PUM3: variants seen among roughly 807,000 people sequenced by gnomAD.
PUM3 encodes pumilio homolog 3.
In PUM3, 91 loss-of-function variants were observed where a neutral mutation model predicts 84.0. The ratio of observed to expected loss-of-function variants is 1.08; its 90% confidence interval spans 0.91 to 1.29. PUM3 has a LOEUF of 1.29. Ranked by LOEUF, PUM3 falls within the 50% of genes most tolerant of loss-of-function variation. The pLI, the probability that PUM3 is intolerant of heterozygous loss-of-function variation, is 0.00. For synonymous variants in PUM3, 321 were observed against 266.7 expected, an observed-to-expected ratio of 1.20 and a Z score of -1.98; for missense variants, 1,067 against 767.5, an observed-to-expected ratio of 1.39 and a Z score of -4.61.
chr9:2,834,688 G>C (rs1816073282), intron 3 of PUM3, among the ~76,000 whole-genome samples: 2 of 152,118 alleles, frequency 1.3e-5, no homozygotes, highest in Non-Finnish European at 2.9e-5. Flanking sequence ...CAAAGCAGTT[G>C]AGCTCTCTAT....
rs747943166 is a variant in PUM3, at chr9:2,830,926, A to G, written c.677+36T>C. 3 of 1,082,210 alleles carry G rather than the reference A, an allele frequency of 2.8e-6. No homozygotes were observed. The South Asian group carries it at 4.0e-5, about 15-fold the overall frequency. The allele number at this position is 1,082,210 out of a possible 1,614,324, so 67.0% of individuals were successfully genotyped here. ...GTTGGAAACCATGTCTTCAAAAGAC[A>G]AAGAAAAAATGTATTTTATACATAA... On this transcript the variant is annotated intron_variant, in intron 7 of 17. Coordinates refer to ENST00000397885, the MANE Select transcript of PUM3 (RefSeq NM_014878.5).
chr9:2,808,016 A>C, intron 16 of PUM3, 112 bp from the exon 17 acceptor site: 1 of 674,512 alleles, frequency 1.5e-6, no homozygotes, highest in Non-Finnish European at 2.5e-6. Flanking sequence ...AAGCTAACAA[A>C]AGTAGCTTTC....
At chr9:2,815,754 A>G (rs983335320) in intron 13 of PUM3, among the ~76,000 whole-genome samples, 2 of 152,222 alleles carry the variant, frequency 1.3e-5, no homozygotes, top group Non-Finnish European at 2.9e-5. Flanking sequence ...TACCCTCAAG[A>G]GAAAGAATAC....
intron 15 of PUM3, 130 bp from the exon 16 acceptor site, chr9:2,810,561 T>C: frequency 1.6e-6 from 1 of 614,674 alleles, no homozygotes; most frequent in Non-Finnish European, 2.8e-6. Context: ...TCCACAGGCT[T>C]AAGAGGTCTT....
At position 2,824,721 on chromosome 9, in the gene PUM3, G is replaced by C. The variant is rs1815761452; in HGVS notation, c.1130C>G (p.Pro377Arg). 1 of 1,542,556 alleles carries C rather than the reference G, an allele frequency of 6.5e-7. No individual in the cohort carries two copies. Among genetic ancestry groups the C allele is most frequent in the African/African-American group, 1.4e-5 (1 of 73,460 alleles). ...CCCAAGTGCTGTCACACTTACCTTG[G>C]GCGTGCCATGCCACAGGCAGTGCAT... ...VAMHCLWHGTPKDRKVIVKTM... is the reference protein window; with the variant it reads ...VAMHCLWHGTRKDRKVIVKTM... The change falls in exon 11 of 18, where the codon CCC becomes CGC. Residue 377 changes from proline (P) to arginine (R), a missense_variant. Transcript: ENST00000397885.
Position 2,811,532 on chromosome 9 carries a change from T to G in PUM3, c.1464A>C (p.Pro488=). Residue 488 remains proline, a synonymous_variant, in exon 15 of 18, where the codon CCA becomes CCC. Coordinates refer to ENST00000397885, the MANE Select transcript of PUM3 (RefSeq NM_014878.5). ...GTTCTTGCAGGTAGCTTAACAAAGC[T>G]GGAGAAATGGATTCTAGGAGCTCCC... The part of the protein sequence containing the change: ...RRRELLESIS[P]ALLSYLQEHA... The G allele has an allele frequency of 6.2e-7, 1 of 1,614,192 alleles. No homozygotes were observed. Among genetic ancestry groups the G allele is most frequent in the East Asian group, 2.2e-5 (1 of 44,870 alleles).
chr9:2,831,249 A>T lies in PUM3; in HGVS notation c.610+2T>A. 1.3e-6 allele frequency: 2 copies of T among 1,554,456 alleles called. No homozygotes were observed. The highest frequency in any genetic ancestry group is 1.8e-6 in the Non-Finnish European group (2 of 1,129,528). Reference sequence around the variant, plus strand: ...ACATAATCTTTAGTATGTAATAAATACCTCGCAATTCTTCAAAAGCCTGTT... The same window carrying T: ...ACATAATCTTTAGTATGTAATAAATTCCTCGCAATTCTTCAAAAGCCTGTT... On this transcript the variant is annotated splice_donor_variant, in intron 6 of 17. Transcript: ENST00000397885. LOFTEE classifies it high-confidence loss of function.
chr9:2,812,094 G>C lies in PUM3; in HGVS notation c.1412+126C>G, dbSNP rs546235139. 3.2e-5 allele frequency: 26 copies of C among 802,390 alleles called. No homozygotes were observed. The African/African-American group carries it at 4.4e-4, about 14-fold the overall frequency. The allele number at this position is 802,390 out of a possible 1,614,324, so 49.7% of individuals were successfully genotyped here. ...TAGAATCTGTCAAAAATATAGGCTT[G>C]AAAATGGAATTCACCTTTTCAGCAG... On this transcript the variant is annotated intron_variant, in intron 14 of 17. Transcript: ENST00000397885.
At chr9:2,842,882 C>A (rs1816305540) in intron 1 of PUM3, among the ~76,000 whole-genome samples, 2 of 152,218 alleles carry the variant, frequency 1.3e-5, no homozygotes, top group Admixed American at 1.3e-4. Context: ...CGTCCTCCAT[C>A]TCAGCCAATG....
At position 2,811,534 on chromosome 9, in the gene PUM3, G is replaced by C. The variant is rs747629466; in HGVS notation, c.1462C>G (p.Pro488Ala). The change falls in exon 15 of 18, where the codon CCA becomes GCA. Residue 488 changes from proline to alanine, a missense_variant. By Grantham distance (27) the Pro-to-Ala change is conservative. Coordinates refer to ENST00000397885, the MANE Select transcript of PUM3 (RefSeq NM_014878.5). ...RRRELLESIS[P>A]ALLSYLQEHA... ...TCTTGCAGGTAGCTTAACAAAGCTG[G>C]AGAAATGGATTCTAGGAGCTCCCGT... The C allele has an allele frequency of 2.3e-5, 37 of 1,614,046 alleles. No homozygotes were observed. The highest frequency in any genetic ancestry group is 3.1e-5 in the Non-Finnish European group (37 of 1,180,034).
At chr9:2,811,832 T>C (rs1041245434) in intron 14 of PUM3, among the ~76,000 whole-genome samples, 3 of 143,446 alleles carry the variant, frequency 2.1e-5, no homozygotes, top group African/African-American at 8.0e-5. Flanking sequence ...GTCTGACTTG[T>C]GTAATACCAA....
intron 12 of PUM3, among the ~76,000 whole-genome samples, chr9:2,822,005 T>C (rs969957574): frequency 2.6e-5 from 4 of 152,072 alleles, no homozygotes; most frequent in African/African-American, 9.7e-5. Context: ...GGAGACAAAA[T>C]ATAGAACAAC....
In PUM3 at chr9:2,821,443, C is replaced by CAAAAAAAAAAAAA. The variant is rs572752267; in HGVS notation, c.1189-1358_1189-1346dup. Among the ~76,000 whole-genome samples the CAAAAAAAAAAAAA allele has an allele frequency of 6.6e-3, 331 of 49,882 alleles. 13 individuals carry two copies. Among genetic ancestry groups the CAAAAAAAAAAAAA allele is most frequent in the East Asian group, 0.019 (33 of 1,768 alleles). The allele number at this position is 49,882 out of a possible 152,430, so 32.7% of individuals were successfully genotyped here. On this transcript the variant is annotated intron_variant, in intron 12 of 17. Coordinates refer to ENST00000397885, the MANE Select transcript of PUM3 (RefSeq NM_014878.5). ...TGGGCGACAGAGCAAGACTCTGTCTCAAAAAAAAAAAAAAAAAAAGAACAT... is the reference window on the plus strand; with the variant it reads ...TGGGCGACAGAGCAAGACTCTGTCTCAAAAAAAAAAAAAAAAAAAAAAAAAAAAAAAAGAACAT...
chr9:2,807,167 C>A (rs575169763), intron 17 of PUM3, among the ~76,000 whole-genome samples: 2 of 151,850 alleles, frequency 1.3e-5, no homozygotes, highest in Non-Finnish European at 2.9e-5. Context: ...GAGATCGCAC[C>A]ACTGCACTCC....
In PUM3 at chr9:2,824,787, AC is replaced by A. The variant is rs770927570; in HGVS notation, c.1063del (p.Val355TrpfsTer28). On this transcript the variant is annotated frameshift_variant, in exon 11 of 18. Transcript: ENST00000397885. LOFTEE classifies it high-confidence loss of function. ...SEMIEAIREA[V>X]VYLAHTHDGA... ...ATCGTGTGTGTGTGCCAGGTAGACCACCGCTTCGCGGATGGCTTCAATCATT... is the reference window on the plus strand; with the variant it reads ...ATCGTGTGTGTGTGCCAGGTAGACCACGCTTCGCGGATGGCTTCAATCATT... The A allele has an allele frequency of 6.3e-7, 1 of 1,579,878 alleles. No individual in the cohort carries two copies. The highest frequency in any genetic ancestry group is 8.6e-7 in the Non-Finnish European group (1 of 1,157,888).
Position 2,811,446 on chromosome 9 carries a change from G to A in PUM3, c.1550C>T (p.Ser517Phe). 4 of 1,614,152 alleles carry A rather than the reference G, an allele frequency of 2.5e-6. No individual in the cohort carries two copies. The highest frequency in any genetic ancestry group is 3.4e-6 in the Non-Finnish European group (4 of 1,180,022). ...GGTAGGCTGAACGTCTCCAGTGGCA[G>A]ATCCCAGAATGTCAGACACCAACAC... Reference protein sequence around the residue: ...ACVLVSDILGSATGDVQPTMN... With the variant: ...ACVLVSDILGFATGDVQPTMN... The change falls in exon 15 of 18, where the codon TCT becomes TTT. Residue 517 changes from serine (S) to phenylalanine (F), a missense_variant. Transcript: ENST00000397885.
intron 2 of PUM3, among the ~76,000 whole-genome samples, chr9:2,838,063 G>C (rs1482860990): frequency 2.0e-5 from 3 of 152,144 alleles, no homozygotes; most frequent in African/African-American, 4.8e-5. Context: ...GAATAATAAA[G>C]ACATCACCAT....
At chr9:2,830,269 T>G (rs1292493977) in intron 7 of PUM3, among the ~76,000 whole-genome samples, 2 of 152,234 alleles carry the variant, frequency 1.3e-5, no homozygotes, top group African/African-American at 4.8e-5. Flanking sequence ...CTAAAAGAAT[T>G]AAACAGCTGG....
At chr9:2,843,424 A>G (rs1816319379) in intron 1 of PUM3, among the ~76,000 whole-genome samples, 1 of 152,104 alleles carries the variant, frequency 6.6e-6, no homozygotes, top group African/African-American at 2.4e-5. Context: ...ACATTCAGGC[A>G]AACCGCCTAG....
Sources: allele counts gnomAD v4.1 joint callset (sites outside exome capture counted in the v4.1 genomes callset), GRCh38; gene constraint gnomAD v4.1.1; transcripts MANE v1.5; gene names NCBI Gene and HGNC (gene_info 2026-07-23, HGNC 2026-07-21).